The following ZC3H12B variants were observed in gnomAD, a reference collection of about 807,000 sequenced individuals.
The protein encoded by ZC3H12B is probable ribonuclease ZC3H12B.
In ZC3H12B, 7 loss-of-function variants were observed where a neutral mutation model predicts 43.9. The ratio of observed to expected loss-of-function variants is 0.16; its 90% CI spans 0.09 to 0.30. The LOEUF (loss-of-function observed/expected upper bound fraction) is 0.30. ZC3H12B is among the 10% of genes least tolerant of loss of function. The pLI is 1.00. For synonymous variants in ZC3H12B, 222 were observed against 241.7 expected, an observed-to-expected ratio of 0.92 and a Z score of 0.76; for missense variants, 475 against 670.2, an observed-to-expected ratio of 0.71 and a Z score of 3.22.
At chrX:65,453,660 T>A (rs1380647939) in intron 3 of ZC3H12B, among the ~76,000 whole-genome samples, 4 of 107,874 alleles carry the variant, frequency 3.7e-5, no homozygotes, top group Admixed American at 3.0e-4. Flanking sequence ...AGGCAGAGGT[T>A]GCAGTGAACC....
the ZC3H12B span, among the ~76,000 whole-genome samples, chrX:65,336,430 G>A: frequency 9.1e-6 from 1 of 109,778 alleles, no homozygotes; most frequent in African/African-American, 3.3e-5. Flanking sequence ...ACTGCCTGGG[G>A]AAGCTAGATT....
chrX:65,438,932 G>T (rs976294659), intron 3 of ZC3H12B, among the ~76,000 whole-genome samples: 4 of 112,809 alleles, frequency 3.5e-5, no homozygotes, highest in Non-Finnish European at 5.6e-5. Flanking sequence ...TGGGAGGCTT[G>T]CTCCCAACAT....
chrX:65,250,781 G>T, the ZC3H12B span, among the ~76,000 whole-genome samples: 1 of 111,694 alleles, frequency 9.0e-6, no homozygotes, highest in Non-Finnish European at 1.9e-5. Flanking sequence ...TGTTGATGGG[G>T]TTGTTTGTTT....
chrX:65,124,313 C>A, the ZC3H12B span, among the ~76,000 whole-genome samples: 35 of 110,978 alleles, frequency 3.2e-4, no homozygotes, highest in Non-Finnish European at 6.1e-4. Flanking sequence ...ATATGTTAAA[C>A]CATCTCTGCA....
At chrX:65,326,831 C>T in the ZC3H12B span, among the ~76,000 whole-genome samples, 1 of 111,171 alleles carries the variant, frequency 9.0e-6, no homozygotes, top group Non-Finnish European at 1.9e-5. Flanking sequence ...AGAAACCTGA[C>T]TTTTAATAGA....
chrX:65,153,564 A>T, the ZC3H12B span, among the ~76,000 whole-genome samples: 1 of 112,084 alleles, frequency 8.9e-6, no homozygotes, highest in African/African-American at 3.2e-5. Flanking sequence ...GGCAATTATT[A>T]AAAAGTCAGG....
intron 4 of ZC3H12B, among the ~76,000 whole-genome samples, chrX:65,501,404 C>A (rs903541430): frequency 6.4e-5 from 7 of 109,160 alleles, no homozygotes; most frequent in Non-Finnish European, 3.8e-5. Flanking sequence ...ACGTGCACCA[C>A]CATGCCCAGC....
the ZC3H12B span, among the ~76,000 whole-genome samples, chrX:65,205,179 C>CT: frequency 2.7e-5 from 3 of 111,358 alleles, no homozygotes; most frequent in East Asian, 2.8e-4. Context: ...TGTATTTTGA[C>CT]TTTTTTTTGT....
At chrX:65,107,267 G>T in the ZC3H12B span, among the ~76,000 whole-genome samples, 2 of 111,104 alleles carry the variant, frequency 1.8e-5, no homozygotes, top group African/African-American at 6.5e-5. Context: ...GGCTGTAAAT[G>T]TAGGCAAAAG....
At chrX:65,384,786 A>T (rs1382977736) in intron 2 of ZC3H12B, among the ~76,000 whole-genome samples, 1 of 112,275 alleles carries the variant, frequency 8.9e-6, no homozygotes, top group Admixed American at 9.5e-5. Flanking sequence ...TTGTAAAGAC[A>T]CAGACAGACT....
chrX:65,480,510 G>A (rs1465662375), intron 3 of ZC3H12B, among the ~76,000 whole-genome samples: 1 of 112,090 alleles, frequency 8.9e-6, no homozygotes, highest in East Asian at 2.8e-4. Context: ...TTGATCAGAT[G>A]AACTTCACTT....
chrX:65,060,634 T>G, the ZC3H12B span, among the ~76,000 whole-genome samples: 1 of 112,058 alleles, frequency 8.9e-6, no homozygotes, highest in Non-Finnish European at 1.9e-5. Context: ...GCATCAATAT[T>G]CATCAGATAT....
the ZC3H12B span, among the ~76,000 whole-genome samples, chrX:65,254,354 G>A: frequency 8.9e-6 from 1 of 112,393 alleles, no homozygotes; most frequent in South Asian, 3.6e-4. Flanking sequence ...TTCCATCACA[G>A]CAGGTTTCTA....
At chrX:65,294,131 A>G in the ZC3H12B span, among the ~76,000 whole-genome samples, 1 of 111,845 alleles carries the variant, frequency 8.9e-6, no homozygotes, top group Non-Finnish European at 1.9e-5. Context: ...TATAAAGGAA[A>G]ACCTATCAGA....
chrX:65,193,114 T>C, the ZC3H12B span, among the ~76,000 whole-genome samples: 256 of 109,704 alleles, frequency 2.3e-3, 2 homozygotes, highest in African/African-American at 7.9e-3. Context: ...TGAAGGTTTT[T>C]TTTTTTTTTT....
chrX:65,222,710 A>G, the ZC3H12B span, among the ~76,000 whole-genome samples: 3 of 109,813 alleles, frequency 2.7e-5, no homozygotes, highest in African/African-American at 9.8e-5. Flanking sequence ...GAAAAACTAA[A>G]AACACTATTG....
the ZC3H12B span, among the ~76,000 whole-genome samples, chrX:65,064,465 C>A: frequency 1.3e-4 from 14 of 111,936 alleles, no homozygotes; most frequent in Non-Finnish European, 2.4e-4. Flanking sequence ...TGTGGTCTTG[C>A]GTGAGTTTCT....
intron 3 of ZC3H12B, among the ~76,000 whole-genome samples, chrX:65,433,907 A>G (rs1296206379): frequency 8.9e-6 from 1 of 111,890 alleles, no homozygotes; most frequent in Admixed American, 9.5e-5. Flanking sequence ...GCTTTGAGTG[A>G]AACTTTTCTT....
the ZC3H12B span, among the ~76,000 whole-genome samples, chrX:65,111,346 T>C: frequency 9.0e-6 from 1 of 111,199 alleles, no homozygotes; most frequent in South Asian, 3.7e-4. Flanking sequence ...CAATCAAGTA[T>C]AATGCTAGCT....
Sources: gnomAD v4.1 joint callset for allele counts (sites outside exome capture counted in the v4.1 genomes callset) on GRCh38, gnomAD v4.1.1 for gene constraint, MANE v1.5 for transcripts, NCBI Gene and HGNC (gene_info 2026-07-23, HGNC 2026-07-21) for gene names.